Variants in UNC5D observed in about 807,000 individuals in gnomAD.
UNC5D encodes the protein unc-5 netrin receptor D.
A neutral mutation model predicts 105.4 loss-of-function variants in UNC5D; 39 were observed. That is an observed-to-expected ratio of 0.37 (90% confidence interval 0.29 to 0.48). The LOEUF (loss-of-function observed/expected upper bound fraction) is 0.48. UNC5D is among the 20% of genes least tolerant of loss of function. UNC5D has a pLI of 0.98. For synonymous variants in UNC5D, 452 were observed against 450.4 expected, an observed-to-expected ratio of 1.00 and a Z score of -0.04; for missense variants, 991 against 1,202.4, an observed-to-expected ratio of 0.82 and a Z score of 2.60.
chr8:35,386,599 G>C (rs1227241565), intron 1 of UNC5D, among the ~76,000 whole-genome samples: 1 of 152,204 alleles, frequency 6.6e-6, no homozygotes, highest in East Asian at 1.9e-4. Context: ...CCTGCACTGG[G>C]TGCACGGAAT....
chr8:35,638,721 G>A (rs1251965393), intron 4 of UNC5D, among the ~76,000 whole-genome samples: 5 of 152,062 alleles, frequency 3.3e-5, no homozygotes, highest in Non-Finnish European at 5.9e-5. Context: ...GATTGTTCAA[G>A]CCCAGATGTT....
intron 1 of UNC5D, among the ~76,000 whole-genome samples, chr8:35,327,030 G>C (rs770817037): frequency 3.3e-5 from 5 of 152,106 alleles, no homozygotes; most frequent in Non-Finnish European, 5.9e-5. Flanking sequence ...CTGTTGGAGG[G>C]AAATTTGTCT....
Position 35,719,954 on chromosome 8 carries a change from C to A in UNC5D, c.1118-2256C>A, listed in dbSNP as rs1218800684. Among the ~76,000 whole-genome samples, 14 of 152,130 alleles carry A rather than the reference C, an allele frequency of 9.2e-5. 1 individual carries two copies. The highest frequency in any genetic ancestry group is 5.9e-4 in the Admixed American group (9 of 15,270). On this transcript the variant is annotated intron_variant, in intron 8 of 16. Coordinates refer to ENST00000404895, the MANE Select transcript of UNC5D (RefSeq NM_080872.4). ...TTTATTCCTTTAAGTCAAATGGATT[C>A]TACAGATGTTCCTGGGAGAGAAAAC...
chr8:35,281,251 G>T (rs549411509), intron 1 of UNC5D, among the ~76,000 whole-genome samples: 23 of 151,918 alleles, frequency 1.5e-4, no homozygotes, highest in African/African-American at 5.6e-4. Flanking sequence ...TCTCTTTGCC[G>T]TCTCCTGCCC....
In UNC5D at chr8:35,657,045, AGTGT is replaced by A. The variant is rs3076999; in HGVS notation, c.571-26469_571-26466del. ...TGCTGCCCAAGCTGGAGTGCAGTGG[AGTGT>A]GTGTGTGTGTGTGTGTGTGTGTGTG... On this transcript the variant is annotated intron_variant, in intron 4 of 16. Coordinates refer to ENST00000404895, the MANE Select transcript of UNC5D (RefSeq NM_080872.4). 4.7e-3 allele frequency among the ~76,000 whole-genome samples: 333 copies of A among 70,786 alleles called. 4 individuals carry two copies. The highest frequency in any genetic ancestry group is 0.021 in the East Asian group (33 of 1,598). The allele number at this position is 70,786 out of a possible 152,430, so 46.4% of individuals were successfully genotyped here. A position where few individuals can be genotyped will look rare whatever the true frequency, so the allele number is the denominator to read the frequency against.
chr8:35,252,112 C>T (rs544763071), intron 1 of UNC5D, among the ~76,000 whole-genome samples: 1 of 151,466 alleles, frequency 6.6e-6, no homozygotes, highest in East Asian at 1.9e-4. Context: ...GGCTCTGCCC[C>T]ACGGGGTTCA....
intron 16 of UNC5D, among the ~76,000 whole-genome samples, chr8:35,777,817 G>T (rs768610974): frequency 6.6e-6 from 1 of 152,170 alleles, no homozygotes; most frequent in Non-Finnish European, 1.5e-5. Flanking sequence ...ACTTCCATAG[G>T]ATGTTATTGG....
At chr8:35,594,685 C>T (rs1819379059) in intron 3 of UNC5D, among the ~76,000 whole-genome samples, 1 of 152,054 alleles carries the variant, frequency 6.6e-6, no homozygotes, top group East Asian at 1.9e-4. Flanking sequence ...AGCGTGTGCT[C>T]AAGTGGAAAG....
At chr8:35,355,274 A>T (rs1196156705) in intron 1 of UNC5D, among the ~76,000 whole-genome samples, 1 of 152,142 alleles carries the variant, frequency 6.6e-6, no homozygotes, top group Non-Finnish European at 1.5e-5. Context: ...TTTGAAAGTC[A>T]TCAATCAGCT....
Position 35,346,846 on chromosome 8 carries a change from CT to C in UNC5D, c.103+110967del, listed in dbSNP as rs529742287. 6.5e-3 allele frequency among the ~76,000 whole-genome samples: 993 copies of C among 151,844 alleles called. 8 individuals are homozygous for C. Among genetic ancestry groups the C allele is most frequent in the African/African-American group, 0.022 (909 of 41,448 alleles). ...GTTCACTGCTCCTTAATATATACAT[CT>C]TTTTTTTCTTCTAATGATTCTGTAT... On this transcript the variant is annotated intron_variant, in intron 1 of 16. Coordinates refer to ENST00000404895, the MANE Select transcript of UNC5D (RefSeq NM_080872.4).
At chr8:35,236,954 G>C (rs944467568) in intron 1 of UNC5D, among the ~76,000 whole-genome samples, 4 of 152,062 alleles carry the variant, frequency 2.6e-5, no homozygotes, top group Non-Finnish European at 5.9e-5. Flanking sequence ...CACTTCACCT[G>C]CTCTGTTCGG....
intron 8 of UNC5D, among the ~76,000 whole-genome samples, chr8:35,715,494 G>A (rs1828207223): frequency 6.6e-6 from 1 of 152,116 alleles, no homozygotes; most frequent in African/African-American, 2.4e-5. Flanking sequence ...TAACAGTACA[G>A]TGTTAACTGA....
At chr8:35,314,621 G>C (rs1809145704) in intron 1 of UNC5D, among the ~76,000 whole-genome samples, 1 of 152,070 alleles carries the variant, frequency 6.6e-6, no homozygotes, top group African/African-American at 2.4e-5. Context: ...AAGTAGTCTT[G>C]GCATAACAGA....
At chr8:35,429,506 C>A (rs747339658) in intron 1 of UNC5D, among the ~76,000 whole-genome samples, 1 of 152,056 alleles carries the variant, frequency 6.6e-6, no homozygotes, top group African/African-American at 2.4e-5. Flanking sequence ...CATAAGTATA[C>A]AAACTTGTTT....
At chr8:35,297,895 C>T (rs763819759) in intron 1 of UNC5D, among the ~76,000 whole-genome samples, 9 of 152,068 alleles carry the variant, frequency 5.9e-5, no homozygotes, top group Admixed American at 2.6e-4. Context: ...TTCCATTAAG[C>T]GGGGCCACAA....
chr8:35,705,516 G>T (rs1207645272), intron 7 of UNC5D, among the ~76,000 whole-genome samples: 1 of 152,178 alleles, frequency 6.6e-6, no homozygotes, highest in East Asian at 1.9e-4. Context: ...ACCAAGGCAG[G>T]ATCCCTTTAA....
chr8:35,263,329 T>A (rs775949044), intron 1 of UNC5D, among the ~76,000 whole-genome samples: 1 of 152,262 alleles, frequency 6.6e-6, no homozygotes, highest in Non-Finnish European at 1.5e-5. Context: ...CCATTTGCGC[T>A]AAATTTTGAG....
At chr8:35,730,931 G>A in intron 10 of UNC5D, 81 bp from the exon 11 acceptor site, 1 of 1,235,386 alleles carries the variant, frequency 8.1e-7, no homozygotes, top group Non-Finnish European at 1.2e-6. Flanking sequence ...TGTTTTCCAG[G>A]TATCTGTAAG....
chr8:35,531,058 T>C (rs1311984601), intron 1 of UNC5D, among the ~76,000 whole-genome samples: 1 of 149,384 alleles, frequency 6.7e-6, no homozygotes, highest in Non-Finnish European at 1.5e-5. Context: ...AGTTCTGCTC[T>C]GATTTTAGTT....
Sources: gnomAD v4.1 joint callset for allele counts (sites outside exome capture counted in the v4.1 genomes callset) on GRCh38, gnomAD v4.1.1 for gene constraint, MANE v1.5 for transcripts, NCBI Gene and HGNC (gene_info 2026-07-23, HGNC 2026-07-21) for gene names.